The following CAST variants were observed in gnomAD, a reference collection of about 807,000 sequenced individuals.
The protein encoded by CAST is MIR583 host.
Under a neutral mutation model 119.6 loss-of-function variants are expected in CAST, and 76 were observed. The observed-to-expected ratio is 0.64, with a 90% CI of 0.53 to 0.77. The LOEUF (loss-of-function observed/expected upper bound fraction) is 0.77, where lower values mean the gene tolerates loss of function less well. CAST is among the 30% of genes least tolerant of loss of function. CAST has a pLI of 0.00. For synonymous variants in CAST, 319 were observed against 331.6 expected (o/e 0.96, Z 0.41); for missense variants, 953 against 946.5 (o/e 1.01, Z -0.09).
the CAST span, among the ~76,000 whole-genome samples, chr5:96,201,271 T>G: frequency 1.0e-3 from 159 of 152,290 alleles, no homozygotes; most frequent in African/African-American, 3.8e-3. Flanking sequence ...AAGTGTTGTG[T>G]TTGGTGCTAG....
chr5:96,698,350 C>T (rs777869881), intron 3 of CAST, among the ~76,000 whole-genome samples: 4 of 152,158 alleles, frequency 2.6e-5, no homozygotes, highest in Non-Finnish European at 4.4e-5. Context: ...ATGTTTATTG[C>T]TTTAGTATTT....
At chr5:96,134,992 A>G in the CAST span, among the ~76,000 whole-genome samples, 1 of 152,170 alleles carries the variant, frequency 6.6e-6, no homozygotes, top group Non-Finnish European at 1.5e-5. Flanking sequence ...GGAGAAAGAC[A>G]CTTCCAGGAA....
the CAST span, among the ~76,000 whole-genome samples, chr5:96,290,549 G>GT: frequency 1.3e-5 from 2 of 152,188 alleles, no homozygotes. Flanking sequence ...AGTCTAAGCA[G>GT]TGACGATGAA....
At chr5:96,102,020 G>C in the CAST span, among the ~76,000 whole-genome samples, 1 of 152,282 alleles carries the variant, frequency 6.6e-6, no homozygotes, top group South Asian at 2.1e-4. Flanking sequence ...GAGGGGGTGT[G>C]TTGTAATGCT....
chr5:96,380,865 C>T, the CAST span, among the ~76,000 whole-genome samples: 1,739 of 152,134 alleles, frequency 0.011, 33 homozygotes, highest in African/African-American at 0.04. Flanking sequence ...CAAAATTACG[C>T]GTGGGTAAAA....
the CAST span, among the ~76,000 whole-genome samples, chr5:96,323,269 T>C: frequency 1.3e-5 from 2 of 152,376 alleles, no homozygotes; most frequent in East Asian, 3.9e-4. Context: ...AAGATGTTTT[T>C]ACCTAACCAC....
chr5:96,576,085 C>A (rs1449190848), intron 1 of CAST, among the ~76,000 whole-genome samples: 1 of 152,148 alleles, frequency 6.6e-6, no homozygotes, highest in African/African-American at 2.4e-5. Flanking sequence ...GTGCACAATT[C>A]TTTTAAATCA....
the CAST span, among the ~76,000 whole-genome samples, chr5:96,190,091 C>G: frequency 6.6e-6 from 1 of 152,140 alleles, no homozygotes; most frequent in Non-Finnish European, 1.5e-5. Flanking sequence ...CTCCAGCTTG[C>G]TCTGCCCTGA....
At chr5:96,760,971 G>C (rs1767748138) in intron 24 of CAST, 1 of 151,880 alleles carries the variant, frequency 6.6e-6, no homozygotes, top group Non-Finnish European at 1.5e-5. Flanking sequence ...CTAAACACTA[G>C]CATATGTTAT....
the CAST span, among the ~76,000 whole-genome samples, chr5:96,307,646 G>A: frequency 1.1e-4 from 17 of 152,128 alleles, no homozygotes; most frequent in Non-Finnish European, 1.2e-4. Flanking sequence ...AGGCAGGCCT[G>A]GTGGTGACAA....
intron 29 of CAST, chr5:96,768,529 T>C (rs1770902367): frequency 5.3e-6 from 2 of 373,926 alleles, no homozygotes; most frequent in East Asian, 1.5e-4. Flanking sequence ...ATATTTTACA[T>C]AATTATACTT....
At chr5:96,714,176 C>CT in intron 3 of CAST, among the ~76,000 whole-genome samples, 1 of 152,084 alleles carries the variant, frequency 6.6e-6, no homozygotes, top group Non-Finnish European at 1.5e-5. Flanking sequence ...AAGTAGGTAT[C>CT]TTTTTTTATA....
the CAST span, chr5:96,397,505 A>G: frequency 7.0e-6 from 11 of 1,579,704 alleles, no homozygotes; most frequent in East Asian, 2.5e-4. Context: ...ATGTCCTAAT[A>G]GCTCTGATAG....
At chr5:96,671,032 G>T (rs1185631864) in intron 1 of CAST, among the ~76,000 whole-genome samples, 1 of 152,222 alleles carries the variant, frequency 6.6e-6, no homozygotes, top group Non-Finnish European at 1.5e-5. Flanking sequence ...TATAGAGGCT[G>T]TCACCTAGAA....
intron 3 of CAST, among the ~76,000 whole-genome samples, chr5:96,710,440 C>A (rs1755889549): frequency 6.8e-6 from 1 of 148,026 alleles, no homozygotes; most frequent in Admixed American, 6.7e-5. Context: ...AGGCCACAGA[C>A]CTCCTTCCCT....
chr5:96,478,781 T>A, the CAST span, among the ~76,000 whole-genome samples: 67 of 152,212 alleles, frequency 4.4e-4, no homozygotes, highest in East Asian at 1.9e-4. Flanking sequence ...GTAGGAAGGG[T>A]CTGCACCCTC....
chr5:96,534,739 G>GAGAA (rs1207971503), intron 1 of CAST, among the ~76,000 whole-genome samples: 198 of 22,546 alleles, frequency 8.8e-3, no homozygotes, highest in East Asian at 0.018. Context: ...GAGAGAGAGA[G>GAGAA]AGAAAGAAAG....
chr5:96,471,786 G>GTGTGTGTGTGTGTGTGTT, the CAST span, among the ~76,000 whole-genome samples: 3,197 of 149,498 alleles, frequency 0.021, 46 homozygotes, highest in East Asian at 0.043. Context: ...GTGTGTGTGT[G>GTGTGTGTGTGTGTGTGTT]TGTGTGTGTG....
intron 1 of CAST, among the ~76,000 whole-genome samples, chr5:96,551,116 C>T (rs1746117828): frequency 1.3e-5 from 2 of 152,096 alleles, no homozygotes; most frequent in Non-Finnish European, 2.9e-5. Flanking sequence ...ACATAATTGT[C>T]AGATTCACCT....
Sources: gnomAD v4.1 joint callset for allele counts (sites outside exome capture counted in the v4.1 genomes callset) on GRCh38, gnomAD v4.1.1 for gene constraint, MANE v1.5 for transcripts, NCBI Gene and HGNC (gene_info 2026-07-23, HGNC 2026-07-21) for gene names.